The following SLC19A1 variants were observed in gnomAD, a reference collection of about 807,000 sequenced individuals.
SLC19A1 encodes the protein reduced folate transporter.
In SLC19A1, 37 loss-of-function variants were observed where a neutral mutation model predicts 35.3. The observed-to-expected ratio is 1.05, with a 90% CI of 0.81 to 1.38. The LOEUF is 1.38. Among genes scored for constraint, SLC19A1 ranks in the 40% most tolerant of loss-of-function variants. The pLI is 0.00. For synonymous variants in SLC19A1, 460 were observed against 398.5 expected, an observed-to-expected ratio of 1.15 and a Z score of -1.84; for missense variants, 831 against 826.9, an observed-to-expected ratio of 1.00 and a Z score of -0.06.
chr21:45,506,088 C>G lies in SLC19A1; in HGVS notation c.498-7476G>C, dbSNP rs10483080. On this transcript the variant is annotated intron_variant, in intron 3 of 4. Coordinates refer to the SLC19A1 transcript ENST00000417954. ...TGGGAGCAGGTGGCAGCCAGCGCTTCTTAAACTTTCAAACTTTTGGTAAAG... is the reference window on the plus strand; with the variant it reads ...TGGGAGCAGGTGGCAGCCAGCGCTTGTTAAACTTTCAAACTTTTGGTAAAG... The G allele has an allele frequency of 0.13, 188,530 of 1,472,470 alleles. 12,627 individuals are homozygous for G. The highest frequency in any genetic ancestry group is 0.19 in the Admixed American group (10,742 of 57,660). The allele number at this position is 1,472,470 out of a possible 1,614,324, so 91.2% of individuals were successfully genotyped here. A position where few individuals can be genotyped will look rare whatever the true frequency, so the allele number is the denominator to read the frequency against.
intron 2 of SLC19A1, chr21:45,536,118 G>A (rs561188721): frequency 1.6e-5 from 3 of 190,354 alleles, no homozygotes; most frequent in African/African-American, 2.4e-5. Flanking sequence ...GGCTGAGATC[G>A]GGGGCCCCAC....
rs145466827 is a variant in SLC19A1 at position 45,515,814 on chromosome 21, C to T, written c.1620G>A (p.Val540=). 6.2e-7 allele frequency: 1 copy of T among 1,610,056 alleles called. No individual in the cohort carries two copies. Among genetic ancestry groups the T allele is most frequent in the Non-Finnish European group, 8.5e-7 (1 of 1,177,536 alleles). Residue 540 remains valine, a synonymous_variant, in exon 6 of 6, where the codon GTG becomes GTA. Coordinates refer to ENST00000311124, the MANE Select transcript of SLC19A1 (RefSeq NM_194255.4). ...APQAAEFLSP[V]TTPSPCTLCS... is the part of the protein sequence containing the mutation. Reference sequence around the variant, plus strand: ...ACAGAGTGCAGGGGGAAGGGGTTGTCACTGGGCTCAGGAATTCAGCTGCCT... The same window carrying T: ...ACAGAGTGCAGGGGGAAGGGGTTGTTACTGGGCTCAGGAATTCAGCTGCCT...
At chr21:45,511,856 GGCGGAGCTGGTTCCTA>G (rs2037631060), downstream of SLC19A1, among the ~76,000 whole-genome samples, 1 of 152,216 alleles carries the variant, frequency 6.6e-6, no homozygotes, top group African/African-American at 2.4e-5. Context: ...GAGCCCGGGA[GGCGGAGCTGGTTCCTA>G]GCGAGGCAGC....
At position 45,534,429 on chromosome 21, in the gene SLC19A1, T is replaced by A; in HGVS notation, c.190-2281A>T. ...CCCAGCCCCTGGCCGGGGCACAGGT[T>A]CTGCCCACAGCCCAGAGTCAAAATG... On this transcript the variant is annotated intron_variant, in intron 2 of 5. Transcript: ENST00000311124. The surrounding 1 kb of genome is among the most constrained non-coding windows in gnomAD (Gnocchi z 4.2). The A allele has an allele frequency of 1.1e-6, 1 of 886,090 alleles. No homozygotes were observed. Among genetic ancestry groups the A allele is most frequent in the South Asian group, 1.6e-5 (1 of 63,874 alleles). The allele number at this position is 886,090 out of a possible 1,614,324, so 54.9% of individuals were successfully genotyped here.
chr21:45,537,730 CCA>C, intron 2 of SLC19A1, 39 bp downstream of exon 2: 1 of 777,124 alleles, frequency 1.3e-6, no homozygotes, highest in Non-Finnish European at 1.8e-6. Flanking sequence ...CCCCGCCCAC[CCA>C]CCCACAGGCG....
At chr21:45,555,551 C>T (rs1398435230) in intron 1 of SLC19A1, among the ~76,000 whole-genome samples, 4 of 133,842 alleles carry the variant, frequency 3.0e-5, no homozygotes, top group South Asian at 2.4e-4. Flanking sequence ...GCGGGGGCGG[C>T]GGCGAAAGGG....
Position 45,514,860 on chromosome 21 carries a change from C to G in SLC19A1, c.*798G>C, listed in dbSNP as rs573897642. 13 of 782,768 alleles carry G rather than the reference C, an allele frequency of 1.7e-5. No individual in the cohort carries two copies. The highest frequency in any genetic ancestry group is 6.8e-5 in the South Asian group (3 of 44,068). The allele number at this position is 782,768 out of a possible 1,614,324, so 48.5% of individuals were successfully genotyped here. ...AGCGCCCACCACAAAGGCAGCCCCC[C>G]CAAGGCTGCCCAGCCCAGGCAAGCC... is the stretch of plus-strand genomic sequence containing the variant. On this transcript the variant is annotated 3_prime_UTR_variant, in exon 6 of 6. Coordinates refer to ENST00000311124, the MANE Select transcript of SLC19A1 (RefSeq NM_194255.4).
Position 45,504,432 on chromosome 21 carries a change from G to A in SLC19A1, c.498-5820C>T, listed in dbSNP as rs570708678. 93 of 1,611,788 alleles carry A rather than the reference G, an allele frequency of 5.8e-5. No homozygotes were observed. The highest frequency in any genetic ancestry group is 3.2e-4 in the South Asian group (29 of 90,992). ...CGTCCACAGGGGGAGAAGGGAGACCGAGGTGATGCAGGACAGAAAGGCGAA... is the reference window on the plus strand; with the variant it reads ...CGTCCACAGGGGGAGAAGGGAGACCAAGGTGATGCAGGACAGAAAGGCGAA... On this transcript the variant is annotated intron_variant, in intron 3 of 4. Coordinates refer to the SLC19A1 transcript ENST00000417954.
rs1225701954 is a variant in SLC19A1, at chr21:45,505,963, C to T, written c.498-7351G>A. 1 of 1,612,998 alleles carries T rather than the reference C, an allele frequency of 6.2e-7. No individual in the cohort carries two copies. Among genetic ancestry groups the T allele is most frequent in the African/African-American group, 1.3e-5 (1 of 74,918 alleles). Reference sequence around the variant, plus strand: ...GCGTGCAGAACGGGTTCCGGAAGGTCCAGGTGAGCGCTCTGTGTGACGGGT... The same window carrying T: ...GCGTGCAGAACGGGTTCCGGAAGGTTCAGGTGAGCGCTCTGTGTGACGGGT... On this transcript the variant is annotated intron_variant, in intron 3 of 4. Coordinates refer to the SLC19A1 transcript ENST00000417954.
Position 45,537,938 on chromosome 21 carries a change from C to T in SLC19A1, c.22G>A (p.Val8Met), listed in dbSNP as rs563946365. Residue 8 changes from valine (V) to methionine (M), a missense_variant, in exon 2 of 6, where the codon GTG (valine) becomes ATG (methionine). Coordinates refer to ENST00000311124, the MANE Select transcript of SLC19A1 (RefSeq NM_194255.4). ...GGTTCCACGGGCACCTGCTTCTCCA[C>T]CGCTGGGCTGGAGGGCACCATCCTG... MVPSSPA[V>M]EKQVPVEPGP... 1.9e-6 allele frequency: 3 copies of T among 1,580,294 alleles called. No homozygotes were observed. The highest frequency in any genetic ancestry group is 1.7e-6 in the Non-Finnish European group (2 of 1,167,900).
At chr21:45,532,231 G>T (rs2077957693) in intron 2 of SLC19A1, 83 bp from the exon 3 acceptor site, 1 of 1,187,154 alleles carries the variant, frequency 8.4e-7, no homozygotes, top group African/African-American at 1.5e-5. Context: ...GGTGATGGCT[G>T]CTGACGGCTT....
In SLC19A1 at chr21:45,534,527, GC is replaced by G. The variant is rs1162215140; in HGVS notation, c.190-2380del. On this transcript the variant is annotated intron_variant, in intron 2 of 5. Transcript: ENST00000311124. This position sits in a 1 kb window ranked among gnomAD's most constrained non-coding sequence, Gnocchi z 4.2. ...AAAAGGGCGGCCAGGGGTCCTAGAA[GC>G]CTCACCCACCTCCGAATGAATGGAG... 1.0e-5 allele frequency: 16 copies of G among 1,533,754 alleles called. No individual in the cohort carries two copies. In the Admixed American group the frequency reaches 3.1e-4, roughly 30 times the overall value.
In SLC19A1 at chr21:45,521,020, C is replaced by CA. The variant is rs55910547; in HGVS notation, c.1293+4796dup. On this transcript the variant is annotated intron_variant, in intron 5 of 5. Coordinates refer to ENST00000311124, the MANE Select transcript of SLC19A1 (RefSeq NM_194255.4). ...GGGCAACAAGAGCGAAACTCCATCTCAAAAAAAAAAAAAACAAACGAAAAA... is the reference window on the plus strand; with the variant it reads ...GGGCAACAAGAGCGAAACTCCATCTCAAAAAAAAAAAAAAACAAACGAAAAA... 4.4e-3 allele frequency among the ~76,000 whole-genome samples: 511 copies of CA among 115,402 alleles called. 4 individuals carry two copies. The highest frequency in any genetic ancestry group is 0.023 in the Middle Eastern group (5 of 220). 75.7% of individuals were successfully genotyped at this position (115,402 alleles called of 152,430 possible).
chr21:45,543,296 C>T (rs1291575299), upstream of SLC19A1, among the ~76,000 whole-genome samples: 1 of 152,222 alleles, frequency 6.6e-6, no homozygotes, highest in East Asian at 1.9e-4. Context: ...GTCACTTTCC[C>T]CTGGAGTTAC....
chr21:45,506,021 TG>T, intron 3 of SLC19A1: 1 of 1,611,572 alleles, frequency 6.2e-7, no homozygotes, highest in Non-Finnish European at 8.5e-7. Context: ...AGCCGCCTCC[TG>T]GGGCTTAAGG....
chr21:45,527,899 T>C (rs2077701849), intron 4 of SLC19A1, among the ~76,000 whole-genome samples: 1 of 148,018 alleles, frequency 6.8e-6, no homozygotes, highest in Non-Finnish European at 1.5e-5. Context: ...GCAAAGAAAC[T>C]AGTCTTCCGA....
rs556372489 is a variant in SLC19A1, at chr21:45,534,579, G to A, written c.190-2431C>T. 4.1e-4 allele frequency: 623 copies of A among 1,535,702 alleles called. No homozygotes were observed. The African/African-American group carries it at 6.4e-3, about 16-fold the overall frequency. ...CATGCCTCATTTCCTCTTCCACCAG[G>A]AGCTGGCTCTGCAGGCTGGGGCCTC... On this transcript the variant is annotated intron_variant, in intron 2 of 5. Coordinates refer to ENST00000311124, the MANE Select transcript of SLC19A1 (RefSeq NM_194255.4). This position sits in a 1 kb window ranked among gnomAD's most constrained non-coding sequence, Gnocchi z 4.2.
chr21:45,561,884 A>G (rs1214709745), intron 1 of SLC19A1, among the ~76,000 whole-genome samples: 3 of 151,996 alleles, frequency 2.0e-5, no homozygotes, highest in Admixed American at 6.6e-5. Context: ...TGTAATCCCA[A>G]CACTTTGAGA....
chr21:45,553,353 C>T lies in SLC19A1; in HGVS notation c.-50+9389G>A, dbSNP rs982678683. 3.2e-4 allele frequency among the ~76,000 whole-genome samples: 48 copies of T among 151,800 alleles called. 1 individual carries two copies. Among genetic ancestry groups the T allele is most frequent in the Admixed American group, 2.7e-3 (41 of 15,270 alleles). On this transcript the variant is annotated intron_variant, in intron 1 of 5. Transcript: ENST00000650808. The stretch of plus-strand genomic sequence containing the variant: ...CCTCCCTCCAGCCCATGAGGGTCCC[C>T]GGGATAAAGTCCAGAGGAGCCACAG...
Sources: gnomAD v4.1 joint callset for allele counts (sites outside exome capture counted in the v4.1 genomes callset) on GRCh38, gnomAD v4.1.1 for gene constraint, Gnocchi (gnomAD v3.1) non-coding constraint, MANE v1.5 for transcripts, NCBI Gene and HGNC (gene_info 2026-07-23, HGNC 2026-07-21) for gene names.